The following CNKSR3 variants were observed in gnomAD, a reference collection of about 807,000 sequenced individuals.
CNKSR3 encodes CNKSR family member 3.
A neutral mutation model predicts 67.7 loss-of-function variants in CNKSR3; 36 were observed. The ratio of observed to expected loss-of-function variants is 0.53; its 90% CI spans 0.41 to 0.70. The LOEUF (loss-of-function observed/expected upper bound fraction) is 0.70, where lower values mean the gene tolerates loss of function less well. CNKSR3 is among the 30% of genes least tolerant of loss of function. The pLI is 0.00. For synonymous variants in CNKSR3, 281 were observed against 271.4 expected (o/e 1.04, Z -0.35); for missense variants, 630 against 695.2 (o/e 0.91, Z 1.05).
chr6:154,446,873 C>T (rs1263835047), intron 2 of CNKSR3, among the ~76,000 whole-genome samples: 5 of 148,322 alleles, frequency 3.4e-5, no homozygotes, highest in Non-Finnish European at 5.9e-5. Context: ...GGCATGATCT[C>T]GGCTCACTGC....
intron 7 of CNKSR3, among the ~76,000 whole-genome samples, chr6:154,425,562 C>T (rs1275287393): frequency 6.6e-6 from 1 of 152,198 alleles, no homozygotes; most frequent in African/African-American, 2.4e-5. Context: ...AGAGGCTAAT[C>T]TAACTCCCAC....
chr6:154,410,299 C>CA, intron 12 of CNKSR3, 44 bp downstream of exon 12: 1 of 1,382,178 alleles, frequency 7.2e-7, no homozygotes, highest in South Asian at 1.2e-5. Context: ...TGGGGCTGTT[C>CA]ACTCCCCATT....
At chr6:154,482,464 G>C (rs985922607) in intron 1 of CNKSR3, among the ~76,000 whole-genome samples, 1 of 152,104 alleles carries the variant, frequency 6.6e-6, no homozygotes, top group African/African-American at 2.4e-5. Context: ...TTATTTTTTA[G>C]ATTAATAAAG....
At chr6:154,414,463 C>T (rs41292912) in intron 9 of CNKSR3, 40 bp from the exon 10 acceptor site, 81,328 of 1,557,432 alleles carry the variant, frequency 0.052, 3,055 homozygotes, top group African/African-American at 0.18. Context: ...GAGTGGAGAT[C>T]AATTCAGAGA....
intron 9 of CNKSR3, 133 bp from the exon 10 acceptor site, chr6:154,414,556 C>A: frequency 1.1e-6 from 1 of 878,732 alleles, no homozygotes; most frequent in Non-Finnish European, 1.9e-6. Context: ...CATGTGTTTA[C>A]AGATATTGGC....
At chr6:154,509,560 C>T (rs1244086421) in intron 1 of CNKSR3, among the ~76,000 whole-genome samples, 1 of 152,198 alleles carries the variant, frequency 6.6e-6, no homozygotes, top group Non-Finnish European at 1.5e-5. Flanking sequence ...CCAACAAAAA[C>T]AGACAGGCTC....
chr6:154,485,515 A>G (rs971768886), intron 1 of CNKSR3, among the ~76,000 whole-genome samples: 2 of 152,240 alleles, frequency 1.3e-5, no homozygotes, highest in African/African-American at 4.8e-5. Flanking sequence ...AAGGCAAATC[A>G]GGTCAACTTT....
At chr6:154,507,034 G>A (rs991640300) in intron 1 of CNKSR3, among the ~76,000 whole-genome samples, 3 of 152,210 alleles carry the variant, frequency 2.0e-5, no homozygotes, top group Admixed American at 2.0e-4. Context: ...GTCAATCTGT[G>A]TGTGACTCGG....
chr6:154,444,821 G>C (rs574802469), intron 2 of CNKSR3, among the ~76,000 whole-genome samples: 1 of 152,116 alleles, frequency 6.6e-6, no homozygotes, highest in East Asian at 1.9e-4. Context: ...TGGCCAGGGT[G>C]GTCTCAATCT....
rs890750630 is a variant in CNKSR3 at position 154,399,437 on chromosome 6, G to T, written c.*6917C>A. On this transcript the variant is annotated 3_prime_UTR_variant, in exon 13 of 13. Coordinates refer to ENST00000607772, the MANE Select transcript of CNKSR3 (RefSeq NM_173515.4). ...ATCACCATAAGCCTTCGAAGTAGAT[G>T]CTAGTATTATCCCCATTTCATAGAT... 1.3e-5 allele frequency: 2 copies of T among 152,136 alleles called. No individual in the cohort carries two copies. The highest frequency in any genetic ancestry group is 4.8e-5 in the African/African-American group (2 of 41,418). The allele number at this position is 152,136 out of a possible 1,614,324, so 9.4% of individuals were successfully genotyped here. A position where few individuals can be genotyped will look rare whatever the true frequency, so the allele number is the denominator to read the frequency against.
intron 1 of CNKSR3, among the ~76,000 whole-genome samples, chr6:154,472,074 G>A (rs576504214): frequency 1.3e-5 from 2 of 152,198 alleles, no homozygotes; most frequent in South Asian, 4.2e-4. Flanking sequence ...AAAATAAAGA[G>A]CACCTGCCCT....
chr6:154,471,911 C>T (rs1227037054), intron 1 of CNKSR3, among the ~76,000 whole-genome samples: 1 of 152,166 alleles, frequency 6.6e-6, no homozygotes, highest in Non-Finnish European at 1.5e-5. Flanking sequence ...CTCTACATAG[C>T]CCATTACACT....
At chr6:154,462,357 T>C (rs1325726828) in intron 1 of CNKSR3, among the ~76,000 whole-genome samples, 1 of 152,052 alleles carries the variant, frequency 6.6e-6, no homozygotes, top group African/African-American at 2.4e-5. Flanking sequence ...CTCTATGGAT[T>C]TGCCTGGATG....
rs1784601144 is a variant in CNKSR3, at chr6:154,391,049, C to T, written c.*15305G>A. ...CTCCTGACCTCAAGTGATTTGCCCA[C>T]CTTGGCCTCCCAAACTGCTAGGATT... On this transcript the variant is annotated 3_prime_UTR_variant, in exon 13 of 13. Transcript: ENST00000607772. 1 of 152,052 alleles carries T rather than the reference C, an allele frequency of 6.6e-6. No homozygotes were observed. Among genetic ancestry groups the T allele is most frequent in the South Asian group, 2.1e-4 (1 of 4,816 alleles). 9.4% of individuals were successfully genotyped at this position (152,052 alleles called of 1,614,324 possible).
chr6:154,500,256 A>AACACACACACACAC (rs5881088), intron 1 of CNKSR3, among the ~76,000 whole-genome samples: 59 of 147,322 alleles, frequency 4.0e-4, no homozygotes, highest in Middle Eastern at 3.6e-3. Context: ...TAAAATTAGA[A>AACACACACACACAC]ACACACACAC....
chr6:154,439,645 G>A (rs952957172), intron 4 of CNKSR3, among the ~76,000 whole-genome samples: 5 of 152,168 alleles, frequency 3.3e-5, no homozygotes, highest in African/African-American at 1.2e-4. Flanking sequence ...TAATCTCAGT[G>A]CTTTGGGAGG....
chr6:154,451,487 GCACACA>G (rs1562338964), intron 1 of CNKSR3, among the ~76,000 whole-genome samples: 6 of 150,138 alleles, frequency 4.0e-5, no homozygotes, highest in African/African-American at 1.5e-4. Flanking sequence ...ACACACACAC[GCACACA>G]CGCATACATG....
At chr6:154,468,824 G>C (rs182930572) in intron 1 of CNKSR3, among the ~76,000 whole-genome samples, 3 of 152,326 alleles carry the variant, frequency 2.0e-5, no homozygotes, top group African/African-American at 7.2e-5. Context: ...TCTGTGTACA[G>C]AAGTTGCTTA....
At chr6:154,475,494 G>T (rs538607502) in intron 1 of CNKSR3, among the ~76,000 whole-genome samples, 1 of 152,304 alleles carries the variant, frequency 6.6e-6, no homozygotes, top group East Asian at 1.9e-4. Context: ...CCACCGGCAT[G>T]TATAGACAAG....
Sources: gnomAD v4.1 joint callset for allele counts (sites outside exome capture counted in the v4.1 genomes callset) on GRCh38, gnomAD v4.1.1 for gene constraint, MANE v1.5 for transcripts, NCBI Gene and HGNC (gene_info 2026-07-23, HGNC 2026-07-21) for gene names.